NBEA: variants seen among roughly 807,000 people sequenced by gnomAD.
The protein encoded by NBEA is lysosomal-trafficking regulator 2.
In NBEA, 44 loss-of-function variants were observed where a neutral mutation model predicts 343.4. That is an observed-to-expected ratio of 0.13 (90% CI 0.10 to 0.16). NBEA has a LOEUF of 0.16. NBEA is among the 10% of genes least tolerant of loss of function. The pLI, the probability that NBEA is intolerant of heterozygous loss-of-function variation, is 1.00. For synonymous variants in NBEA, 1,175 were observed against 1,238.7 expected (o/e 0.95, Z 1.08); for missense variants, 2,555 against 3,631.3 (o/e 0.70, Z 7.62).
At chr13:35,602,998 TATATTTAA>T (rs2082122830) in intron 47 of NBEA, among the ~76,000 whole-genome samples, 1 of 152,232 alleles carries the variant, frequency 6.6e-6, no homozygotes, top group Non-Finnish European at 1.5e-5. Context: ...CAACTTTTTC[TATATTTAA>T]ATTGAGCTAT....
At chr13:35,132,600 A>G (rs1444747393) in intron 17 of NBEA, among the ~76,000 whole-genome samples, 2 of 152,220 alleles carry the variant, frequency 1.3e-5, no homozygotes, top group African/African-American at 4.8e-5. Flanking sequence ...GATGCATGCT[A>G]TGACATAATG....
At chr13:35,239,926 A>C (rs1012826385) in intron 34 of NBEA, among the ~76,000 whole-genome samples, 3 of 151,054 alleles carry the variant, frequency 2.0e-5, no homozygotes, top group African/African-American at 7.2e-5. Flanking sequence ...GAAGGTATCA[A>C]ATGTTGTCAG....
In NBEA at chr13:35,347,513, T is replaced by G. The variant is rs2039951612; in HGVS notation, c.5904-1595T>G. Among the ~76,000 whole-genome samples, 3 of 150,076 alleles carry G rather than the reference T, an allele frequency of 2.0e-5. No individual in the cohort carries two copies. The South Asian group carries it at 6.4e-4, about 32-fold the overall frequency. Reference sequence around the variant, plus strand: ...CCTTTAAGGAAAACCCAGAATGACTTGAAGGTAGCTTTTTAAATATTATTT... The same window carrying G: ...CCTTTAAGGAAAACCCAGAATGACTGGAAGGTAGCTTTTTAAATATTATTT... On this transcript the variant is annotated intron_variant, in intron 36 of 58. Coordinates refer to ENST00000379939, the MANE Select transcript of NBEA (RefSeq NM_001385012.1).
chr13:35,077,518 A>G (rs1395347216), intron 10 of NBEA, among the ~76,000 whole-genome samples: 1 of 152,108 alleles, frequency 6.6e-6, no homozygotes, highest in Non-Finnish European at 1.5e-5. Flanking sequence ...CCCACATACA[A>G]TCTATCATGA....
intron 41 of NBEA, among the ~76,000 whole-genome samples, chr13:35,525,700 AC>A (rs1161736340): frequency 1.3e-5 from 2 of 152,200 alleles, no homozygotes; most frequent in Non-Finnish European, 2.9e-5. Flanking sequence ...ATAACAAAAT[AC>A]CTTAGATCAA....
chr13:35,591,810 G>A (rs575024494), intron 46 of NBEA, among the ~76,000 whole-genome samples: 15 of 152,090 alleles, frequency 9.9e-5, no homozygotes, highest in Admixed American at 5.2e-4. Flanking sequence ...GAATTGTAAA[G>A]CATACAAAGG....
chr13:35,294,463 G>T (rs574545729), intron 35 of NBEA, among the ~76,000 whole-genome samples: 1 of 152,118 alleles, frequency 6.6e-6, no homozygotes, highest in East Asian at 1.9e-4. Flanking sequence ...ATAGTAAGAA[G>T]ATTTCAAATA....
chr13:35,579,764 A>AT (rs776270779), intron 45 of NBEA, among the ~76,000 whole-genome samples: 5 of 152,260 alleles, frequency 3.3e-5, no homozygotes, highest in Middle Eastern at 6.8e-3. Context: ...ATCTGGTAGG[A>AT]TTTTTGTTTC....
chr13:35,347,564 T>C (rs1321692686), intron 36 of NBEA, among the ~76,000 whole-genome samples: 2 of 151,776 alleles, frequency 1.3e-5, no homozygotes, highest in African/African-American at 4.8e-5. Context: ...AATTACTTAA[T>C]GCAAAAAAAA....
At chr13:35,291,315 G>A (rs1031380704) in intron 35 of NBEA, among the ~76,000 whole-genome samples, 5 of 151,750 alleles carry the variant, frequency 3.3e-5, no homozygotes, top group Non-Finnish European at 2.9e-5. Flanking sequence ...CAGCTAACTC[G>A]CAGACAAACA....
intron 48 of NBEA, among the ~76,000 whole-genome samples, chr13:35,619,087 T>C (rs1015575844): frequency 6.6e-6 from 1 of 151,042 alleles, no homozygotes; most frequent in African/African-American, 2.4e-5. Flanking sequence ...ATACCCCAAA[T>C]GCAAATGTAA....
chr13:35,366,024 C>T (rs1343270891), intron 38 of NBEA, among the ~76,000 whole-genome samples: 3 of 151,564 alleles, frequency 2.0e-5, no homozygotes, highest in African/African-American at 7.2e-5. Flanking sequence ...ATTTTGAAGT[C>T]ATCTGTCATG....
chr13:35,113,818 G>T (rs2066356418), intron 13 of NBEA, among the ~76,000 whole-genome samples: 1 of 152,132 alleles, frequency 6.6e-6, no homozygotes, highest in South Asian at 2.1e-4. Flanking sequence ...TAAACGAATA[G>T]GTGTGGCTTG....
At chr13:35,376,380 G>C (rs1038260933) in intron 38 of NBEA, among the ~76,000 whole-genome samples, 1 of 148,460 alleles carries the variant, frequency 6.7e-6, no homozygotes, top group Non-Finnish European at 1.5e-5. Context: ...TAGTTTAAGG[G>C]TCTGTAAATG....
In NBEA at chr13:35,672,454, G is replaced by A. The variant is rs1357853937; in HGVS notation, c.*1463G>A. On this transcript the variant is annotated 3_prime_UTR_variant, in exon 59 of 59. Transcript: ENST00000379939. ...TTTAGCACTGAATTCCTTCTTCACT[G>A]TTGTTTGTATTTATGAAATTCTGAA... is the stretch of plus-strand genomic sequence containing the variant. 1 of 152,560 alleles carries A rather than the reference G, an allele frequency of 6.6e-6. No individual in the cohort carries two copies. The highest frequency in any genetic ancestry group is 1.5e-5 in the Non-Finnish European group (1 of 68,028). The allele number at this position is 152,560 out of a possible 1,614,324, so 9.5% of individuals were successfully genotyped here. A position where few individuals can be genotyped will look rare whatever the true frequency, so the allele number is the denominator to read the frequency against.
chr13:35,475,235 C>G, intron 41 of NBEA: 1 of 1,613,848 alleles, frequency 6.2e-7, no homozygotes, highest in Non-Finnish European at 8.5e-7. Context: ...AGCAAAATCC[C>G]GTTCAGCCGA....
chr13:35,301,329 C>T (rs972145647), intron 35 of NBEA, among the ~76,000 whole-genome samples: 3 of 151,794 alleles, frequency 2.0e-5, no homozygotes, highest in African/African-American at 7.3e-5. Flanking sequence ...CCTAATGCTC[C>T]CCCTCCTCTT....
At position 35,566,884 on chromosome 13, in the gene NBEA, A is replaced by G. The variant is rs202114587; in HGVS notation, c.6923-21A>G. The G allele has an allele frequency of 9.7e-5, 134 of 1,381,882 alleles. 2 individuals carry two copies. Among genetic ancestry groups the G allele is most frequent in the Middle Eastern group, 9.1e-4 (5 of 5,502 alleles). 85.6% of individuals were successfully genotyped at this position (1,381,882 alleles called of 1,614,324 possible). A position where few individuals can be genotyped will look rare whatever the true frequency, so the allele number is the denominator to read the frequency against. ...AAGCATTTTGTGTGTACAAATTTTT[A>G]TTTCTGTTTTTCTTTACTAGGACGG... On this transcript the variant is annotated intron_variant, in intron 44 of 58. Coordinates refer to ENST00000379939, the MANE Select transcript of NBEA (RefSeq NM_001385012.1).
At chr13:35,125,113 C>T (rs2067047209) in intron 17 of NBEA, among the ~76,000 whole-genome samples, 1 of 152,092 alleles carries the variant, frequency 6.6e-6, no homozygotes, top group South Asian at 2.1e-4. Context: ...TTGAGATAGC[C>T]TATTTTCCCC....
Sources: gnomAD v4.1 joint callset for allele counts (sites outside exome capture counted in the v4.1 genomes callset) on GRCh38, gnomAD v4.1.1 for gene constraint, MANE v1.5 for transcripts, NCBI Gene and HGNC (gene_info 2026-07-23, HGNC 2026-07-21) for gene names.